The following CTNNA3 variants were observed in gnomAD, a reference collection of about 807,000 sequenced individuals.
The protein encoded by CTNNA3 is catenin alpha-3.
A neutral mutation model predicts 95.7 loss-of-function variants in CTNNA3; 76 were observed. That is an observed-to-expected ratio of 0.79 (90% confidence interval 0.66 to 0.96). The LOEUF is 0.96. Ranked by LOEUF, CTNNA3 falls within the 40% of genes least tolerant of loss-of-function variation. The pLI is 0.00. For missense variants in CTNNA3, 1,191 were observed against 1,089.8 expected (o/e 1.09, Z -1.31); for synonymous variants, 431 against 374.4 (o/e 1.15, Z -1.74).
At chr10:66,785,110 A>G (rs1387794293) in intron 7 of CTNNA3, among the ~76,000 whole-genome samples, 3 of 152,162 alleles carry the variant, frequency 2.0e-5, no homozygotes, top group Non-Finnish European at 4.4e-5. Flanking sequence ...GTCCAAGGCT[A>G]TTGCCTAGAT....
At chr10:67,090,302 C>T (rs1173406806) in intron 7 of CTNNA3, among the ~76,000 whole-genome samples, 4 of 152,094 alleles carry the variant, frequency 2.6e-5, no homozygotes, top group Non-Finnish European at 5.9e-5. Flanking sequence ...ATCTTAAATC[C>T]ATCATAAACT....
intron 6 of CTNNA3, among the ~76,000 whole-genome samples, chr10:67,190,571 A>G (rs946852140): frequency 3.3e-5 from 5 of 152,038 alleles, no homozygotes; most frequent in Non-Finnish European, 7.4e-5. Context: ...AAAGATAATT[A>G]TGGACCAAAC....
chr10:67,391,999 G>A (rs976656404), intron 5 of CTNNA3, among the ~76,000 whole-genome samples: 18 of 151,532 alleles, frequency 1.2e-4, no homozygotes, highest in Non-Finnish European at 2.1e-4. Flanking sequence ...GCATGGGCAA[G>A]GACTTCATGT....
chr10:66,468,626 A>G (rs188903365), intron 11 of CTNNA3, among the ~76,000 whole-genome samples: 186 of 152,084 alleles, frequency 1.2e-3, no homozygotes, highest in African/African-American at 4.3e-3. Context: ...TTCTCAGCAC[A>G]CACATGAAAA....
intron 10 of CTNNA3, among the ~76,000 whole-genome samples, chr10:66,557,576 A>C (rs982422179): frequency 2.0e-5 from 3 of 152,156 alleles, no homozygotes; most frequent in South Asian, 2.1e-4. Flanking sequence ...AATTTTCTGC[A>C]ACGGTAGGAT....
chr10:66,486,610 C>T (rs999373946), intron 11 of CTNNA3, among the ~76,000 whole-genome samples: 1 of 152,108 alleles, frequency 6.6e-6, no homozygotes, highest in African/African-American at 2.4e-5. Context: ...TAAAGTGCTA[C>T]AGCCATTATG....
At chr10:67,343,989 T>A (rs796838659) in intron 5 of CTNNA3, among the ~76,000 whole-genome samples, 2 of 149,968 alleles carry the variant, frequency 1.3e-5, no homozygotes. Flanking sequence ...GCTTTTATTA[T>A]GTTGAAGTAT....
In CTNNA3 at chr10:67,155,302, C is replaced by A. The variant is rs1405653134; in HGVS notation, c.1047+25015G>T. On this transcript the variant is annotated intron_variant, in intron 7 of 17. Transcript: ENST00000433211. The stretch of plus-strand genomic sequence containing the variant: ...TAGAGTCAGGCTGCCTTGGTGCCAT[C>A]ATTAATTCAACTACAAAGTGGTTGT... Among the ~76,000 whole-genome samples the A allele has an allele frequency of 2.0e-5, 3 of 152,270 alleles. No individual in the cohort carries two copies. The East Asian group carries it at 5.8e-4, about 29-fold the overall frequency.
At position 66,142,905 on chromosome 10, in the gene CTNNA3, G is replaced by A. The variant is rs566674124; in HGVS notation, c.1885-39656C>T. Among the ~76,000 whole-genome samples the A allele has an allele frequency of 2.0e-5, 3 of 152,142 alleles. No homozygotes were observed. The South Asian group carries it at 6.2e-4, about 32-fold the overall frequency. ...AGTTGCAGAGGAAGAAAAGTTAAAA[G>A]GATTGTGTCTTTTTAAGGCGGTGAA... is the stretch of plus-strand genomic sequence containing the variant. On this transcript the variant is annotated intron_variant, in intron 13 of 17. Coordinates refer to ENST00000433211, the MANE Select transcript of CTNNA3 (RefSeq NM_013266.4).
At chr10:67,227,167 C>G (rs567272817) in intron 5 of CTNNA3, among the ~76,000 whole-genome samples, 37 of 151,196 alleles carry the variant, frequency 2.4e-4, no homozygotes, top group African/African-American at 8.3e-4. Flanking sequence ...TCTCAGCTCA[C>G]CACAACCTCT....
chr10:67,133,378 T>TATATACAC (rs1177119156), intron 7 of CTNNA3, among the ~76,000 whole-genome samples: 1,385 of 133,854 alleles, frequency 0.01, 9 homozygotes, highest in South Asian at 0.014. Context: ...TATATATATA[T>TATATACAC]ACACACACAC....
Position 67,337,869 on chromosome 10 carries a change from C to T in CTNNA3, c.580-117999G>A, listed in dbSNP as rs186913893. Among the ~76,000 whole-genome samples the T allele has an allele frequency of 4.6e-5, 7 of 152,266 alleles. No individual in the cohort carries two copies. The East Asian group carries it at 1.4e-3, about 29-fold the overall frequency. On this transcript the variant is annotated intron_variant, in intron 5 of 17. Coordinates refer to ENST00000433211, the MANE Select transcript of CTNNA3 (RefSeq NM_013266.4). ...TGTTTTTGGATATAATGCAATTGCA[C>T]ACTTAATGGGCTACAGTATAGTATA...
chr10:66,657,891 C>A (rs530974105), intron 9 of CTNNA3, among the ~76,000 whole-genome samples: 2 of 152,210 alleles, frequency 1.3e-5, no homozygotes, highest in Admixed American at 6.5e-5. Context: ...AGAGGGAAAT[C>A]GAACATGGAA....
intron 16 of CTNNA3, among the ~76,000 whole-genome samples, chr10:65,987,337 A>T (rs758515896): frequency 1.3e-5 from 2 of 151,906 alleles, no homozygotes; most frequent in Non-Finnish European, 2.9e-5. Context: ...TATCAACAGA[A>T]GAATAAAACA....
chr10:66,511,690 T>A (rs1840666938), intron 11 of CTNNA3, among the ~76,000 whole-genome samples: 1 of 151,980 alleles, frequency 6.6e-6, no homozygotes, highest in Non-Finnish European at 1.5e-5. Flanking sequence ...CCTCTTGTTA[T>A]TGATTTCTAA....
At chr10:66,352,477 G>C (rs60721447) in intron 12 of CTNNA3, among the ~76,000 whole-genome samples, 1,770 of 152,212 alleles carry the variant, frequency 0.012, 25 homozygotes, top group African/African-American at 0.035. Flanking sequence ...TACAACAAAT[G>C]GGGTCTGAAA....
intron 9 of CTNNA3, among the ~76,000 whole-genome samples, chr10:66,739,039 T>TGGTGGAAGGGGAAGCAAAG (rs1466479778): frequency 6.6e-6 from 1 of 152,154 alleles, no homozygotes; most frequent in Non-Finnish European, 1.5e-5. Context: ...ATTTCAGTCA[T>TGGTGGAAGGGGAAGCAAAG]CTCAGTCACC....
chr10:66,227,615 A>T (rs1195236616), intron 13 of CTNNA3, among the ~76,000 whole-genome samples: 3 of 152,110 alleles, frequency 2.0e-5, no homozygotes, highest in Non-Finnish European at 4.4e-5. Context: ...TTCATTCAAA[A>T]TATTGGTCTG....
intron 7 of CTNNA3, among the ~76,000 whole-genome samples, chr10:66,895,202 G>A (rs1845433252): frequency 6.6e-6 from 1 of 151,972 alleles, no homozygotes; most frequent in South Asian, 2.1e-4. Context: ...GTTACATTGG[G>A]TCTCAAAGTC....
Sources: allele counts gnomAD v4.1 joint callset (sites outside exome capture counted in the v4.1 genomes callset), GRCh38; gene constraint gnomAD v4.1.1; transcripts MANE v1.5; gene names NCBI Gene and HGNC (gene_info 2026-07-23, HGNC 2026-07-21).